Variants in CIC observed in about 807,000 individuals in gnomAD.
CIC encodes the protein protein capicua homolog.
CIC carries 18 observed loss-of-function variants against 115.7 expected under a neutral mutation model. The ratio of observed to expected loss-of-function variants is 0.16; its 90% confidence interval spans 0.11 to 0.23. The LOEUF (loss-of-function observed/expected upper bound fraction) is 0.23. Among genes scored for constraint, CIC ranks in the 10% least tolerant of loss-of-function variants. CIC has a pLI of 1.00. For missense variants in CIC, 2,000 were observed against 2,159.3 expected (o/e 0.93, Z 1.46); for synonymous variants, 1,076 against 923.0 (o/e 1.17, Z -3.01).
At position 42,291,661 on chromosome 19, in the gene CIC, G is replaced by T. The variant is rs771463639; in HGVS notation, c.5529G>T (p.Arg1843=). 6.2e-7 allele frequency: 1 copy of T among 1,613,012 alleles called. No individual in the cohort carries two copies. Among genetic ancestry groups the T allele is most frequent in the East Asian group, 2.2e-5 (1 of 44,868 alleles). ...VPLAAPSMSV[R]GGGAGQPLPL... ...TGGCCGCCCCTAGCATGTCAGTGCG[G>T]GGTGGAGGGGCCGGCCAGCCACTGC... Residue 1843 remains arginine (R), a synonymous_variant, in exon 12 of 21, where the codon CGG becomes CGT. Transcript: ENST00000681038.
intron 2 of CIC, among the ~76,000 whole-genome samples, chr19:42,277,856 C>T (rs1477736541): frequency 6.6e-6 from 1 of 152,350 alleles, no homozygotes; most frequent in Middle Eastern, 3.4e-3. Context: ...AGGCTGCCTT[C>T]AGGTTCCTGA....
rs1455956531 is a variant in CIC, at chr19:42,292,406, G to A, written c.5842G>A (p.Ala1948Thr). The A allele has an allele frequency of 6.2e-7, 1 of 1,612,084 alleles. No individual in the cohort carries two copies. The highest frequency in any genetic ancestry group is 8.5e-7 in the Non-Finnish European group (1 of 1,179,296). Reference sequence around the variant, plus strand: ...CTCGTACGGGCCCACGAGCTCTGTAGCTCTAGGCTTCACCTCGCTGGGGCC... The same window carrying A: ...CTCGTACGGGCCCACGAGCTCTGTAACTCTAGGCTTCACCTCGCTGGGGCC... ...VTSYGPTSSV[A>T]LGFTSLGPSG... Residue 1948 changes from alanine (A) to threonine (T), a missense_variant, in exon 14 of 21, where the codon GCT (alanine) becomes ACT (threonine). This residue lies in a region of CIC where 1,466 missense variants were observed against 1,390.4 expected (regional missense o/e 1.05). Transcript: ENST00000681038.
intron 2 of CIC, among the ~76,000 whole-genome samples, chr19:42,281,507 G>T (rs1037169988): frequency 9.2e-5 from 14 of 152,200 alleles, no homozygotes; most frequent in Non-Finnish European, 1.9e-4. Context: ...GGTGCAGGGG[G>T]TGGCTGCCAT....
In CIC at chr19:42,290,483, G is replaced by A. The variant is rs771399534; in HGVS notation, c.4442G>A (p.Arg1481Gln). Residue 1481 changes from arginine to glutamine, a missense_variant, in exon 11 of 21, where the codon CGG (arginine) becomes CAG (glutamine). Arg to Gln is a conservative substitution (Grantham distance 43). Around this residue, in one of 8 missense-constraint regions of CIC, gnomAD observed 1,466 missense variants for 1,390.4 expected, o/e 1.05. Coordinates refer to ENST00000681038, the MANE Select transcript of CIC (RefSeq NM_001386298.1). ...SGQGSTAGPLRPPPPGAGGPA... is the reference protein window; with the variant it reads ...SGQGSTAGPLQPPPPGAGGPA... ...CAGGGCAGCACAGCGGGCCCCCTAC[G>A]GCCCCCACCCCCTGGGGCTGGGGGT... is the stretch of plus-strand genomic sequence containing the variant. 21 of 1,613,616 alleles carry A rather than the reference G, an allele frequency of 1.3e-5. No homozygotes were observed. The highest frequency in any genetic ancestry group is 2.2e-5 in the East Asian group (1 of 44,880).
intron 2 of CIC, chr19:42,284,650 G>A: frequency 7.1e-7 from 1 of 1,399,148 alleles, no homozygotes. Context: ...CGGGCGGAGC[G>A]GCGTCGGCCG....
rs554630092 is a variant in CIC, at chr19:42,281,235, G to T, written c.2795-5536G>T. On this transcript the variant is annotated intron_variant, in intron 2 of 20. Coordinates refer to ENST00000681038, the MANE Select transcript of CIC (RefSeq NM_001386298.1). ...ACCCGGGCCTGGAGAGCAGGGTGGG[G>T]AGCCGCAGGCGGCCGGCAGGGGTGC... Among the ~76,000 whole-genome samples the T allele has an allele frequency of 4.6e-5, 7 of 152,288 alleles. No individual in the cohort carries two copies. The East Asian group carries it at 1.4e-3, about 30-fold the overall frequency.
rs2147309744 is a variant in CIC at position 42,292,706 on chromosome 19, G to A, written c.6043G>A (p.Ala2015Thr). Residue 2015 changes from alanine to threonine, a missense_variant, in exon 15 of 21, where the codon GCA (alanine) becomes ACA (threonine). By Grantham distance (58) the Ala-to-Thr change is moderately conservative. Transcript: ENST00000681038. ...TGGCAGCCCTGCACCCACCTCCTCAGCACCCCTGGCCCAGCCATCCCAGGC... is the reference window on the plus strand; with the variant it reads ...TGGCAGCCCTGCACCCACCTCCTCAACACCCCTGGCCCAGCCATCCCAGGC... ...YSGSPAPTSS[A>T]PLAQPSQAPP... is the part of the protein sequence containing the mutation. 2.5e-6 allele frequency: 4 copies of A among 1,613,656 alleles called. No individual in the cohort carries two copies. The highest frequency in any genetic ancestry group is 3.4e-6 in the Non-Finnish European group (4 of 1,179,920).
chr19:42,292,240 G>A (rs1336876322), intron 13 of CIC, 33 bp downstream of exon 13: 3 of 1,613,862 alleles, frequency 1.9e-6, no homozygotes, highest in South Asian at 2.2e-5. Context: ...TCAGAGGCCA[G>A]GGAAGGGGTG....
At position 42,294,016 on chromosome 19, in the gene CIC, C is replaced by T. The variant is rs138327774; in HGVS notation, c.6849C>T (p.Pro2283=). The change falls in exon 18 of 21, where the codon CCC becomes CCT. Residue 2283 remains proline, a synonymous_variant. Coordinates refer to ENST00000681038, the MANE Select transcript of CIC (RefSeq NM_001386298.1). ...EFRPEEVLPS[P]TLQSLATSPR... ...GGCCTGAGGAGGTGCTGCCCTCCCCCACCCTGCAGTCTCTGGCCACCTCAC... is the reference window on the plus strand; with the variant it reads ...GGCCTGAGGAGGTGCTGCCCTCCCCTACCCTGCAGTCTCTGGCCACCTCAC... 2 of 1,613,560 alleles carry T rather than the reference C, an allele frequency of 1.2e-6. No individual in the cohort carries two copies. The highest frequency in any genetic ancestry group is 1.3e-5 in the African/African-American group (1 of 74,902).
chr19:42,271,002 G>A lies in CIC; in HGVS notation c.-10-772G>A, dbSNP rs1023253714. Among the ~76,000 whole-genome samples, 119 of 149,306 alleles carry A rather than the reference G, an allele frequency of 8.0e-4. 1 individual carries two copies. The highest frequency in any genetic ancestry group is 2.9e-3 in the African/African-American group (116 of 40,482). On this transcript the variant is annotated intron_variant, in intron 1 of 20. Transcript: ENST00000681038. ...AGGGTGCAGAGCAGAGTGGGCAGCC[G>A]TCCCTCGGGACTCTCAGCTGCCCAC...
chr19:42,287,253 A>T lies in CIC; in HGVS notation c.3179+13A>T, dbSNP rs2147185715. 1.2e-6 allele frequency: 2 copies of T among 1,613,952 alleles called. No homozygotes were observed. Among genetic ancestry groups the T allele is most frequent in the Non-Finnish European group, 1.7e-6 (2 of 1,179,982 alleles). On this transcript the variant is annotated intron_variant, in intron 4 of 20. Coordinates refer to ENST00000681038, the MANE Select transcript of CIC (RefSeq NM_001386298.1). This position sits in a 1 kb window ranked among gnomAD's most constrained non-coding sequence, Gnocchi z 8.7. The stretch of plus-strand genomic sequence containing the variant: ...ACCATGATGATGCGTGAGTTCCCTG[A>T]GGCCTGGGACTTGGGGGTGGGATGG...
intron 2 of CIC, among the ~76,000 whole-genome samples, chr19:42,286,257 T>C (rs944867212): frequency 6.6e-6 from 1 of 151,948 alleles, no homozygotes; most frequent in Non-Finnish European, 1.5e-5. Flanking sequence ...CCACAGCCTG[T>C]GCATAGTGAA....
intron 1 of CIC, among the ~76,000 whole-genome samples, chr19:42,271,087 G>A (rs1411603542): frequency 1.3e-5 from 2 of 150,652 alleles, no homozygotes; most frequent in Non-Finnish European, 3.0e-5. Context: ...AGGGTGGGGG[G>A]GTGGAGAAAG....
intron 2 of CIC, among the ~76,000 whole-genome samples, chr19:42,285,142 A>G (rs2037540167): frequency 6.6e-6 from 1 of 152,094 alleles, no homozygotes; most frequent in South Asian, 2.1e-4. Context: ...GGGCTCAGGA[A>G]GCGAGTGAGG....
intron 14 of CIC, 33 bp from the exon 15 acceptor site, chr19:42,292,533 T>C: frequency 1.2e-6 from 2 of 1,612,290 alleles, no homozygotes; most frequent in Non-Finnish European, 1.7e-6. Context: ...GGGCCCTAAC[T>C]TGGTCTCCTG....
rs747697743 is a variant in CIC at position 42,291,432 on chromosome 19, C to T, written c.5391C>T (p.Ile1797=). The T allele has an allele frequency of 2.5e-6, 4 of 1,612,986 alleles. No individual in the cohort carries two copies. The highest frequency in any genetic ancestry group is 1.1e-5 in the South Asian group (1 of 91,094). Residue 1797 remains isoleucine (I), a synonymous_variant, in exon 11 of 21, where the codon ATC becomes ATT. Coordinates refer to ENST00000681038, the MANE Select transcript of CIC (RefSeq NM_001386298.1). ...AATAPTPGIP[I]LQSVPSAPPP... ...CTGCACCCACTCCTGGCATCCCCAT[C>T]CTGCAGTCTGTACCCTCCGCCCCAC...
At position 42,287,494 on chromosome 19, in the gene CIC, C is replaced by T. The variant is rs2147192587; in HGVS notation, c.3309+45C>T. 1 of 1,612,276 alleles carries T rather than the reference C, an allele frequency of 6.2e-7. No homozygotes were observed. Among genetic ancestry groups the T allele is most frequent in the Non-Finnish European group, 8.5e-7 (1 of 1,180,026 alleles). On this transcript the variant is annotated intron_variant, in intron 5 of 20. Transcript: ENST00000681038. The surrounding 1 kb of genome is among the most constrained non-coding windows in gnomAD (Gnocchi z 8.7). ...CCTGTGCTCACCCCGTGGCCACCCA[C>T]ACCTGTCTGCCAGGTCCTAACTGTC...
chr19:42,284,410 T>A (rs949733306), intron 2 of CIC: 3 of 143,596 alleles, frequency 2.1e-5, no homozygotes, highest in East Asian at 2.1e-4. Flanking sequence ...ATGGCCCCCG[T>A]GCCGCGCGCC....
At position 42,295,310 on chromosome 19, in the gene CIC, G is replaced by A. The variant is rs1172035292; in HGVS notation, c.*119G>A. On this transcript the variant is annotated 3_prime_UTR_variant, in exon 21 of 21. Transcript: ENST00000681038. ...ATTTCGTCCTCTCCAGTTTGGGGCG[G>A]AATGAGGCCTGCTCCTCTTGTAAAT... The A allele has an allele frequency of 2.3e-6, 2 of 877,378 alleles. No individual in the cohort carries two copies. Among genetic ancestry groups the A allele is most frequent in the Non-Finnish European group, 3.5e-6 (2 of 570,924 alleles). The allele number at this position is 877,378 out of a possible 1,614,324, so 54.3% of individuals were successfully genotyped here.
Sources: allele counts gnomAD v4.1 joint callset (sites outside exome capture counted in the v4.1 genomes callset), GRCh38; gene constraint gnomAD v4.1.1; regional missense constraint gnomAD v4.1.1; non-coding constraint Gnocchi (gnomAD v3.1); transcripts MANE v1.5; gene names NCBI Gene and HGNC (gene_info 2026-07-23, HGNC 2026-07-21).